EPHB1: variants seen among roughly 807,000 people sequenced by gnomAD.
EPHB1 encodes EPH receptor B1, also known as ephrin type-B receptor 1.
In EPHB1, 30 loss-of-function variants were observed where a neutral mutation model predicts 94.4. That is an observed-to-expected ratio of 0.32 (90% confidence interval 0.24 to 0.43). The LOEUF is 0.43. EPHB1 is among the 20% of genes least tolerant of loss of function. The probability of loss-of-function intolerance (pLI) is 1.00; values close to 1 mark genes in which losing one functional copy is unlikely to be tolerated. For synonymous variants in EPHB1, 522 were observed against 489.1 expected (o/e 1.07, Z -0.89); for missense variants, 1,055 against 1,308.3 (o/e 0.81, Z 2.99).
chr3:135,076,261 A>ATATATATATATATATATGAC, intron 3 of EPHB1, among the ~76,000 whole-genome samples: 1 of 112,580 alleles, frequency 8.9e-6, no homozygotes, highest in African/African-American at 3.6e-5. Flanking sequence ...ATATATATAT[A>ATATATATATATATATATGAC]ACTCTTAAAT....
chr3:135,087,618 C>G (rs201527864), intron 3 of EPHB1, among the ~76,000 whole-genome samples: 1 of 152,032 alleles, frequency 6.6e-6, no homozygotes, highest in Non-Finnish European at 1.5e-5. Flanking sequence ...TAAGTGTAGT[C>G]GGCTCCTCTA....
At chr3:134,965,465 C>CATG (rs1479137549) in intron 3 of EPHB1, among the ~76,000 whole-genome samples, 5 of 152,224 alleles carry the variant, frequency 3.3e-5, no homozygotes, top group Middle Eastern at 3.4e-3. Flanking sequence ...TTTGAGAGGC[C>CATG]ATGGTAGGAG....
intron 1 of EPHB1, among the ~76,000 whole-genome samples, chr3:134,847,444 T>C (rs1441616797): frequency 2.6e-5 from 4 of 152,204 alleles, no homozygotes; most frequent in Non-Finnish European, 5.9e-5. Flanking sequence ...TACCAGTCCA[T>C]GGGGAGGATT....
At chr3:135,224,186 T>A (rs565145851) in intron 12 of EPHB1, among the ~76,000 whole-genome samples, 349 of 152,346 alleles carry the variant, frequency 2.3e-3, no homozygotes, top group African/African-American at 7.8e-3. Context: ...CTCTAAGATA[T>A]TTGCACAACA....
intron 1 of EPHB1, among the ~76,000 whole-genome samples, chr3:134,904,989 A>C (rs1165554772): frequency 6.6e-6 from 1 of 152,192 alleles, no homozygotes; most frequent in Admixed American, 6.5e-5. Context: ...TTGGAGAGAC[A>C]AATGATCTCT....
chr3:134,795,461 G>T lies in EPHB1; in HGVS notation c.-171G>T. The T allele has an allele frequency of 1.6e-6, 1 of 608,346 alleles. No homozygotes were observed. The highest frequency in any genetic ancestry group is 2.8e-6 in the Non-Finnish European group (1 of 361,414). The allele number at this position is 608,346 out of a possible 1,614,324, so 37.7% of individuals were successfully genotyped here. A position where few individuals can be genotyped will look rare whatever the true frequency, so the allele number is the denominator to read the frequency against. ...CACGCGCGCCCGCACCGCCCCACGC[G>T]CACACACTCCTGCCCACGCCCACGC... On this transcript the variant is annotated 5_prime_UTR_variant, in exon 1 of 16. Coordinates refer to ENST00000398015, the MANE Select transcript of EPHB1 (RefSeq NM_004441.5).
At chr3:135,083,537 G>C (rs116725917) in intron 3 of EPHB1, among the ~76,000 whole-genome samples, 1 of 151,528 alleles carries the variant, frequency 6.6e-6, no homozygotes, top group South Asian at 2.1e-4. Flanking sequence ...GAGGATGAAG[G>C]CATTAGGGCA....
At chr3:134,884,675 A>G (rs2037827094) in intron 1 of EPHB1, among the ~76,000 whole-genome samples, 2 of 152,216 alleles carry the variant, frequency 1.3e-5, no homozygotes, top group Admixed American at 6.5e-5. Context: ...AATGACCCAG[A>G]CCACATTTCC....
chr3:135,098,992 A>C (rs373773541), intron 3 of EPHB1, among the ~76,000 whole-genome samples: 6 of 135,672 alleles, frequency 4.4e-5, no homozygotes, highest in African/African-American at 1.7e-4. Flanking sequence ...CAGTCTGGGC[A>C]ACAGAGTGAG....
chr3:134,854,238 G>A (rs538036861), intron 1 of EPHB1, among the ~76,000 whole-genome samples: 2 of 152,220 alleles, frequency 1.3e-5, no homozygotes, highest in East Asian at 1.9e-4. Flanking sequence ...AATGTCTGCC[G>A]GAGTCAGTTT....
chr3:134,985,959 C>T (rs1056048071), intron 3 of EPHB1, among the ~76,000 whole-genome samples: 19 of 152,140 alleles, frequency 1.2e-4, no homozygotes, highest in Admixed American at 6.5e-4. Flanking sequence ...GGTCAGGAGT[C>T]ACACATGCAG....
chr3:135,253,968 T>C (rs1276724083), intron 15 of EPHB1, among the ~76,000 whole-genome samples: 3 of 140,854 alleles, frequency 2.1e-5, no homozygotes, highest in African/African-American at 2.6e-5. Flanking sequence ...TTATTCTCTT[T>C]GAAGCAATTG....
chr3:135,189,965 G>T (rs1225705829), intron 10 of EPHB1, among the ~76,000 whole-genome samples: 2 of 152,178 alleles, frequency 1.3e-5, no homozygotes, highest in Admixed American at 6.5e-5. Flanking sequence ...TATATGACTT[G>T]TTGGGACCTG....
intron 3 of EPHB1, among the ~76,000 whole-genome samples, chr3:135,067,263 A>G (rs561866385): frequency 6.6e-6 from 1 of 152,216 alleles, no homozygotes; most frequent in African/African-American, 2.4e-5. Flanking sequence ...TCCCAAGAGT[A>G]CATGCCCTTT....
intron 14 of EPHB1, among the ~76,000 whole-genome samples, 169 bp from the exon 15 acceptor site, chr3:135,249,167 C>T (rs1932954530): frequency 6.6e-6 from 1 of 152,164 alleles, no homozygotes; most frequent in African/African-American, 2.4e-5. Flanking sequence ...ATGTAGAAGT[C>T]ATGCTGATTT....
chr3:135,046,083 T>A (rs1045189214), intron 3 of EPHB1, among the ~76,000 whole-genome samples: 1 of 152,230 alleles, frequency 6.6e-6, no homozygotes, highest in African/African-American at 2.4e-5. Context: ...GAACCAGGCA[T>A]GAAGAGATTT....
At chr3:134,983,487 T>C (rs1359181106) in intron 3 of EPHB1, among the ~76,000 whole-genome samples, 1 of 152,206 alleles carries the variant, frequency 6.6e-6, no homozygotes, top group Non-Finnish European at 1.5e-5. Context: ...TTCAGACTCA[T>C]CCGCTGGCCA....
At chr3:135,247,606 A>ATCTT (rs1011029118) in intron 13 of EPHB1, among the ~76,000 whole-genome samples, 27 of 152,342 alleles carry the variant, frequency 1.8e-4, no homozygotes, top group African/African-American at 5.8e-4. Context: ...CGTTCCTAAA[A>ATCTT]TCTTTACAAA....
chr3:135,004,364 C>T (rs1274150287), intron 3 of EPHB1, among the ~76,000 whole-genome samples: 4 of 151,656 alleles, frequency 2.6e-5, no homozygotes, highest in East Asian at 1.9e-4. Context: ...GAGGGTAACC[C>T]GACCTTTCTC....
Sources: gnomAD v4.1 joint callset for allele counts (sites outside exome capture counted in the v4.1 genomes callset) on GRCh38, gnomAD v4.1.1 for gene constraint, MANE v1.5 for transcripts, NCBI Gene and HGNC (gene_info 2026-07-23, HGNC 2026-07-21) for gene names.